Variants in NEK10 observed in about 807,000 individuals in gnomAD.
NEK10 encodes the protein NIMA related kinase 10.
NEK10 carries 122 observed loss-of-function variants against 159.8 expected under a neutral mutation model. The observed-to-expected ratio is 0.76, with a 90% CI of 0.66 to 0.89. NEK10 has a LOEUF of 0.89. NEK10 is among the 40% of genes least tolerant of loss of function. The pLI is 0.00. For missense variants in NEK10, 1,342 were observed against 1,323.1 expected (o/e 1.01, Z -0.22); for synonymous variants, 466 against 457.1 (o/e 1.02, Z -0.25).
chr3:27,271,153 ATCT>A, intron 22 of NEK10, among the ~76,000 whole-genome samples: 2 of 22,398 alleles, frequency 8.9e-5, no homozygotes, highest in East Asian at 1.2e-3. Context: ...TCTATCTTCT[ATCT>A]ATCTATCTAT....
In NEK10 at chr3:27,290,626, A is replaced by C. The variant is rs1285985984; in HGVS notation, c.1734T>G (p.Ile578Met). The C allele has an allele frequency of 1.8e-5, 29 of 1,587,506 alleles. No individual in the cohort carries two copies. Among genetic ancestry groups the C allele is most frequent in the Non-Finnish European group, 2.4e-5 (28 of 1,168,578 alleles). ...VRNIVSELTI[I>M]KEQLYHPNIV... ...CAAGGAAAACATTTACCTGCTCTTT[A>C]ATTATTGTTAATTCAGAAACAATAT... is the stretch of plus-strand genomic sequence containing the variant. The change falls in exon 19 of 36, where the codon ATT becomes ATG. Residue 578 changes from isoleucine (I) to methionine (M), a missense_variant. Coordinates refer to ENST00000691995, the MANE Select transcript of NEK10 (RefSeq NM_001394966.1).
In NEK10 at chr3:27,301,790, G is replaced by A. The variant is rs749549918; in HGVS notation, c.1074C>T (p.Ser358=). Residue 358 remains serine (S), a synonymous_variant, in exon 13 of 36, where the codon TCC becomes TCT. Coordinates refer to ENST00000691995, the MANE Select transcript of NEK10 (RefSeq NM_001394966.1). ...VSDHSSIGSL[S]SANAAGRIQQ... ...GGATTCGGCCTGCAGCATTTGCACTGGACAGGCTTCCAATGGAGGAGTGAT... is the reference window on the plus strand; with the variant it reads ...GGATTCGGCCTGCAGCATTTGCACTAGACAGGCTTCCAATGGAGGAGTGAT... The A allele has an allele frequency of 1.3e-6, 2 of 1,556,902 alleles. No homozygotes were observed. Among genetic ancestry groups the A allele is most frequent in the Non-Finnish European group, 1.7e-6 (2 of 1,149,384 alleles).
Position 27,365,608 on chromosome 3 carries a change from GT to G in NEK10, c.-38+3616del, listed in dbSNP as rs2049008483. On this transcript the variant is annotated intron_variant, in intron 1 of 35. Coordinates refer to ENST00000691995, the MANE Select transcript of NEK10 (RefSeq NM_001394966.1). Reference sequence around the variant, plus strand: ...TTTTGGTTTTTTGTGTTTTTTTTTTGTGTTTTTTTTTTTTTTTTTTTTGAGA... The same window carrying G: ...TTTTGGTTTTTTGTGTTTTTTTTTTGGTTTTTTTTTTTTTTTTTTTTGAGA... Among the ~76,000 whole-genome samples, 3 of 64,950 alleles carry G rather than the reference GT, an allele frequency of 4.6e-5. 1 individual carries two copies. The East Asian group carries it at 1.5e-3, about 33-fold the overall frequency. 42.6% of individuals were successfully genotyped at this position (64,950 alleles called of 152,430 possible).
intron 35 of NEK10, among the ~76,000 whole-genome samples, chr3:27,112,281 T>C (rs758193315): frequency 2.6e-5 from 4 of 152,194 alleles, no homozygotes; most frequent in Non-Finnish European, 5.9e-5. Context: ...TTCTCTTCCT[T>C]AACTAAATAT....
intron 13 of NEK10, 68 bp downstream of exon 13, chr3:27,301,628 A>G: frequency 7.9e-7 from 1 of 1,272,090 alleles, no homozygotes; most frequent in Non-Finnish European, 1.1e-6. Context: ...CTACTACACT[A>G]ATCTATGATA....
chr3:27,231,382 T>C (rs573431117), intron 23 of NEK10, among the ~76,000 whole-genome samples: 2 of 152,128 alleles, frequency 1.3e-5, no homozygotes, highest in African/African-American at 4.8e-5. Context: ...ATTAAATGCC[T>C]ATATCAAAAA....
intron 31 of NEK10, among the ~76,000 whole-genome samples, chr3:27,141,033 C>T (rs1575474958): frequency 6.6e-6 from 1 of 152,246 alleles, no homozygotes. Context: ...CTGAGATTTA[C>T]AAGTAGAAAA....
intron 5 of NEK10, among the ~76,000 whole-genome samples, chr3:27,336,828 C>T (rs11915887): frequency 0.23 from 34,565 of 151,936 alleles, 4,356 homozygotes; most frequent in Middle Eastern, 0.36. Context: ...CAACAAACTA[C>T]GCATAGAAGG....
At chr3:27,362,371 G>A (rs2048751979) in intron 1 of NEK10, among the ~76,000 whole-genome samples, 1 of 152,100 alleles carries the variant, frequency 6.6e-6, no homozygotes, top group African/African-American at 2.4e-5. Context: ...TGGAAGCAAT[G>A]CTATTCTTGG....
chr3:27,243,557 C>T (rs1954762743), intron 23 of NEK10, among the ~76,000 whole-genome samples: 1 of 152,112 alleles, frequency 6.6e-6, no homozygotes, highest in Non-Finnish European at 1.5e-5. Flanking sequence ...ATCCGTCAAC[C>T]AGACTCCCTT....
Position 27,171,999 on chromosome 3 carries a change from A to G in NEK10, c.2777-126T>C, listed in dbSNP as rs1054719285. 1.4e-5 allele frequency: 14 copies of G among 1,022,108 alleles called. No homozygotes were observed. In the African/African-American group the frequency reaches 2.0e-4, roughly 14 times the overall value. The allele number at this position is 1,022,108 out of a possible 1,614,324, so 63.3% of individuals were successfully genotyped here. A position where few individuals can be genotyped will look rare whatever the true frequency, so the allele number is the denominator to read the frequency against. On this transcript the variant is annotated intron_variant, in intron 28 of 35. Coordinates refer to ENST00000691995, the MANE Select transcript of NEK10 (RefSeq NM_001394966.1). Reference sequence around the variant, plus strand: ...GATGCAGAGAAAAGGGAACTCATACACTGTTGGTGGGACTGTAAATTAGTG... The same window carrying G: ...GATGCAGAGAAAAGGGAACTCATACGCTGTTGGTGGGACTGTAAATTAGTG...
intron 32 of NEK10, among the ~76,000 whole-genome samples, chr3:27,120,944 T>C (rs1202106455): frequency 1.3e-5 from 2 of 152,230 alleles, no homozygotes; most frequent in Non-Finnish European, 2.9e-5. Context: ...TATGCTATAG[T>C]AGTTAGCTTG....
chr3:27,228,992 C>G (rs1450708853), intron 23 of NEK10, among the ~76,000 whole-genome samples: 1 of 152,164 alleles, frequency 6.6e-6, no homozygotes, highest in Non-Finnish European at 1.5e-5. Flanking sequence ...ATCTACGCAC[C>G]TGACCTAGCT....
chr3:27,284,750 A>G, intron 21 of NEK10, 46 bp from the exon 22 acceptor site: 1 of 1,530,236 alleles, frequency 6.5e-7, no homozygotes, highest in East Asian at 2.2e-5. Context: ...CCCAACATAC[A>G]TATAGCCAAA....
chr3:27,118,643 G>C (rs1176699030), intron 33 of NEK10, among the ~76,000 whole-genome samples: 1 of 152,140 alleles, frequency 6.6e-6, no homozygotes, highest in Non-Finnish European at 1.5e-5. Flanking sequence ...CTCACCCTCA[G>C]GTTTTTGAGA....
chr3:27,277,395 T>G (rs983389188), intron 22 of NEK10, among the ~76,000 whole-genome samples: 3 of 152,138 alleles, frequency 2.0e-5, no homozygotes, highest in African/African-American at 7.2e-5. Context: ...CTAAACTGAG[T>G]ATCTGGGTCC....
At chr3:27,259,622 C>T (rs2040219134) in intron 22 of NEK10, among the ~76,000 whole-genome samples, 1 of 152,120 alleles carries the variant, frequency 6.6e-6, no homozygotes. Context: ...GCTACCGTAG[C>T]CTTGTAGTAT....
chr3:27,261,158 T>C (rs142427460), intron 22 of NEK10, among the ~76,000 whole-genome samples: 1 of 152,172 alleles, frequency 6.6e-6, no homozygotes, highest in Admixed American at 6.5e-5. Context: ...TTTGTTGATG[T>C]TTTCAAAATA....
chr3:27,278,864 A>G (rs62255589), intron 22 of NEK10: 243,610 of 984,226 alleles, frequency 0.25, 30,760 homozygotes, highest in Middle Eastern at 0.39. Context: ...TTATTTGGCA[A>G]GTGACAGTAT....
Sources: allele counts gnomAD v4.1 joint callset (sites outside exome capture counted in the v4.1 genomes callset), GRCh38; gene constraint gnomAD v4.1.1; transcripts MANE v1.5; gene names NCBI Gene and HGNC (gene_info 2026-07-23, HGNC 2026-07-21).